ASH2L: variants seen among roughly 807,000 people sequenced by gnomAD.
ASH2L encodes the protein set1/Ash2 histone methyltransferase complex subunit ASH2.
A neutral mutation model predicts 81.1 loss-of-function variants in ASH2L; 30 were observed. That is an observed-to-expected ratio of 0.37 (90% confidence interval 0.28 to 0.50). The LOEUF (loss-of-function observed/expected upper bound fraction) is 0.50. Among genes scored for constraint, ASH2L ranks in the 20% least tolerant of loss-of-function variants. The pLI, the probability that ASH2L is intolerant of heterozygous loss-of-function variation, is 0.95. For missense variants in ASH2L, 559 were observed against 792.1 expected (o/e 0.71, Z 3.53); for synonymous variants, 273 against 279.9 (o/e 0.98, Z 0.24).
At chr8:38,112,055 G>A (rs954525868) in intron 5 of ASH2L, among the ~76,000 whole-genome samples, 14 of 152,108 alleles carry the variant, frequency 9.2e-5, no homozygotes, top group African/African-American at 3.1e-4. Flanking sequence ...TACCCAGCCT[G>A]GAGTGCAGTG....
intron 8 of ASH2L, chr8:38,117,399 C>T (rs927511487): frequency 9.3e-6 from 9 of 963,686 alleles, no homozygotes; most frequent in Middle Eastern, 5.3e-4. Flanking sequence ...CATATTTTCC[C>T]GTTTTAATTG....
Position 38,133,510 on chromosome 8 carries a change from A to G in ASH2L, c.1584A>G (p.Lys528=). The change falls in exon 13 of 16, where the codon AAA becomes AAG. Residue 528 remains lysine (K), a synonymous_variant. Transcript: ENST00000343823. The stretch of plus-strand genomic sequence containing the variant: ...TTGAGGAAAAAGACTTTGTGGATAA[A>G]GCAGAGAAGAGCCTGAAGCAGACTC... ...LYFEEKDFVD[K]AEKSLKQTPH... 6.2e-7 allele frequency: 1 copy of G among 1,611,684 alleles called. No homozygotes were observed. Among genetic ancestry groups the G allele is most frequent in the Non-Finnish European group, 8.5e-7 (1 of 1,179,818 alleles).
At chr8:38,134,632 T>C (rs535006717) in intron 13 of ASH2L, among the ~76,000 whole-genome samples, 3 of 152,218 alleles carry the variant, frequency 2.0e-5, no homozygotes, top group South Asian at 2.1e-4. Context: ...AAGTGGGATG[T>C]AGAGGAAGAA....
At chr8:38,111,357 G>A (rs185393489) in intron 5 of ASH2L, among the ~76,000 whole-genome samples, 22 of 152,318 alleles carry the variant, frequency 1.4e-4, no homozygotes, top group African/African-American at 5.3e-4. Flanking sequence ...TCAAAGTGCT[G>A]GGATTACAGG....
At chr8:38,122,724 A>G (rs1801684043) in intron 10 of ASH2L, among the ~76,000 whole-genome samples, 1 of 152,208 alleles carries the variant, frequency 6.6e-6, no homozygotes, top group Admixed American at 6.6e-5. Flanking sequence ...TTAGATAATT[A>G]TCTACAATAT....
chr8:38,133,291 A>T (rs888517219), intron 12 of ASH2L, among the ~76,000 whole-genome samples, 163 bp from the exon 13 acceptor site: 5 of 152,204 alleles, frequency 3.3e-5, no homozygotes, highest in Admixed American at 1.3e-4. Context: ...GTATTTTTTA[A>T]GAAGTGTGTA....
Position 38,128,806 on chromosome 8 carries a change from G to A in ASH2L, c.1382G>A (p.Arg461Gln), listed in dbSNP as rs779530866. ...TATGATAAATTTAGCTATTCTTGGC[G>A]GAGCAAAAAGGGAACCAAGTTCCAC... ...LGYDKFSYSW[R>Q]SKKGTKFHQS... Residue 461 changes from arginine to glutamine, a missense_variant, in exon 12 of 16, where the codon CGG (arginine) becomes CAG (glutamine). Coordinates refer to ENST00000343823, the MANE Select transcript of ASH2L (RefSeq NM_004674.5). The A allele has an allele frequency of 4.3e-6, 7 of 1,613,976 alleles. No individual in the cohort carries two copies. Among genetic ancestry groups the A allele is most frequent in the South Asian group, 1.1e-5 (1 of 91,050 alleles).
rs3831748 is a variant in ASH2L, at chr8:38,133,268, CAT to C, written c.1528-185_1528-184del. On this transcript the variant is annotated intron_variant, in intron 12 of 15. Transcript: ENST00000343823. The stretch of plus-strand genomic sequence containing the variant: ...GGCCTACTGAAAATGTTTTAATAAA[CAT>C]GTGCCATCTGGTATTTTTTAAGAAG... 7.2e-4 allele frequency among the ~76,000 whole-genome samples: 110 copies of C among 152,260 alleles called. No homozygotes were observed. In the East Asian group the frequency reaches 0.018, roughly 25 times the overall value.
chr8:38,128,745 TTTA>T lies in ASH2L; in HGVS notation c.1334-10_1334-8del. The T allele has an allele frequency of 6.2e-7, 1 of 1,602,442 alleles. No homozygotes were observed. The highest frequency in any genetic ancestry group is 1.3e-5 in the African/African-American group (1 of 74,182). ...AATCTTCTGACTTCCTGTGTATGTT[TTTA>T]TTGGGACAGGAAACCTTCAAGCTCC... is the stretch of plus-strand genomic sequence containing the variant. On this transcript the variant is annotated splice_polypyrimidine_tract_variant and intron_variant, in intron 11 of 15. Transcript: ENST00000343823.
rs796306112 is a variant in ASH2L at position 38,107,405 on chromosome 8, C to G, written c.401+239C>G. Reference sequence around the variant, plus strand: ...ATTGCCCCTCCTTTTGAGTTGACAACCTGGTTTGGAGACAAAAAAAAATGC... The same window carrying G: ...ATTGCCCCTCCTTTTGAGTTGACAAGCTGGTTTGGAGACAAAAAAAAATGC... On this transcript the variant is annotated intron_variant, in intron 3 of 15. Transcript: ENST00000343823. Among the ~76,000 whole-genome samples, 2 of 152,148 alleles carry G rather than the reference C, an allele frequency of 1.3e-5. 1 individual carries two copies. Among genetic ancestry groups the G allele is most frequent in the African/African-American group, 4.8e-5 (2 of 41,510 alleles).
chr8:38,106,425 C>T lies in ASH2L; in HGVS notation c.236C>T (p.Ser79Phe). The part of the protein sequence containing the change: ...DVSGGLETES[S>F]NGKDTLEGAG... Reference sequence around the variant, plus strand: ...AGCGGTGGCTTGGAGACAGAATCATCTAATGGAAAAGATACACTAGTAAGT... The same window carrying T: ...AGCGGTGGCTTGGAGACAGAATCATTTAATGGAAAAGATACACTAGTAAGT... The change falls in exon 2 of 16, where the codon TCT becomes TTT. Residue 79 changes from serine (S) to phenylalanine (F), a missense_variant. This residue lies in a region of ASH2L where 145 missense variants were observed against 115.5 expected (regional missense o/e 1.26). Coordinates refer to ENST00000343823, the MANE Select transcript of ASH2L (RefSeq NM_004674.5). 6.2e-7 allele frequency: 1 copy of T among 1,613,616 alleles called. No homozygotes were observed. Among genetic ancestry groups the T allele is most frequent in the Non-Finnish European group, 8.5e-7 (1 of 1,179,822 alleles).
chr8:38,116,760 G>A, intron 8 of ASH2L, 35 bp downstream of exon 8: 2 of 1,554,084 alleles, frequency 1.3e-6, no homozygotes, highest in Non-Finnish European at 1.8e-6. Context: ...TGAAATATTT[G>A]GAAGCTATTG....
At chr8:38,114,111 C>G (rs1043908619) in intron 5 of ASH2L, 81 bp from the exon 6 acceptor site, 1 of 834,766 alleles carries the variant, frequency 1.2e-6, no homozygotes, top group Non-Finnish European at 1.8e-6. Flanking sequence ...CTAACAAGAT[C>G]TTCGAAAAAT....
intron 14 of ASH2L, among the ~76,000 whole-genome samples, chr8:38,136,102 A>ACT (rs1802242769): frequency 1.0e-5 from 1 of 97,862 alleles, no homozygotes; most frequent in African/African-American, 4.1e-5. Flanking sequence ...GCTTACAATG[A>ACT]TTTTTTTTTT....
intron 14 of ASH2L, among the ~76,000 whole-genome samples, chr8:38,137,305 G>A (rs1345121556): frequency 6.6e-6 from 1 of 151,612 alleles, no homozygotes; most frequent in East Asian, 1.9e-4. Context: ...CCAGCACTTT[G>A]GGAGGCCGAG....
At chr8:38,135,149 C>T (rs1244528628) in intron 13 of ASH2L, among the ~76,000 whole-genome samples, 1 of 152,114 alleles carries the variant, frequency 6.6e-6, no homozygotes, top group Non-Finnish European at 1.5e-5. Context: ...CCTCGGCCTC[C>T]CAGCTTACTT....
chr8:38,111,317 G>C (rs924977409), intron 5 of ASH2L, among the ~76,000 whole-genome samples: 1 of 152,088 alleles, frequency 6.6e-6, no homozygotes, highest in Non-Finnish European at 1.5e-5. Flanking sequence ...TTGACCTCCT[G>C]GGCTAAAGCA....
At chr8:38,112,234 A>G (rs1810713750) in intron 5 of ASH2L, among the ~76,000 whole-genome samples, 1 of 152,168 alleles carries the variant, frequency 6.6e-6, no homozygotes, top group South Asian at 2.1e-4. Context: ...CCTGGGTTCA[A>G]GTGATCCTCC....
At chr8:38,121,851 T>G (rs2130526225) in intron 10 of ASH2L, among the ~76,000 whole-genome samples, 1 of 152,344 alleles carries the variant, frequency 6.6e-6, no homozygotes, top group South Asian at 2.1e-4. Context: ...ATCATTTGGT[T>G]AAGGTGATTC....
Sources: allele counts gnomAD v4.1 joint callset (sites outside exome capture counted in the v4.1 genomes callset), GRCh38; gene constraint gnomAD v4.1.1; regional missense constraint gnomAD v4.1.1; transcripts MANE v1.5; gene names NCBI Gene and HGNC (gene_info 2026-07-23, HGNC 2026-07-21).